ESRRG: variants seen among roughly 807,000 people sequenced by gnomAD.
The protein encoded by ESRRG is estrogen related receptor gamma, also known as estrogen-related receptor gamma.
In ESRRG, 13 loss-of-function variants were observed where a neutral mutation model predicts 44.0. The observed-to-expected ratio is 0.30, with a 90% CI of 0.19 to 0.47. The LOEUF (loss-of-function observed/expected upper bound fraction) is 0.47. ESRRG is among the 20% of genes least tolerant of loss of function. The pLI is 1.00. For missense variants in ESRRG, 395 were observed against 580.6 expected (o/e 0.68, Z 3.29); for synonymous variants, 215 against 214.6 (o/e 1.00, Z -0.02).
At chr1:216,637,489 C>T (rs2065522778) in intron 3 of ESRRG, among the ~76,000 whole-genome samples, 1 of 152,174 alleles carries the variant, frequency 6.6e-6, no homozygotes, top group African/African-American at 2.4e-5. Context: ...TAGCAGAGAA[C>T]AGCAGCTTCC....
intron 2 of ESRRG, among the ~76,000 whole-genome samples, chr1:216,652,886 C>T (rs556298544): frequency 2.2e-4 from 34 of 152,102 alleles, no homozygotes; most frequent in African/African-American, 7.7e-4. Flanking sequence ...CCACCCTGTT[C>T]GGCTCCCCCT....
intron 1 of ESRRG, among the ~76,000 whole-genome samples, chr1:217,120,936 A>G (rs1558284252): frequency 6.6e-6 from 1 of 152,200 alleles, no homozygotes; most frequent in Non-Finnish European, 1.5e-5. Context: ...CCACATGGGC[A>G]AGGACCATAT....
Position 216,506,358 on chromosome 1 carries a change from G to A in ESRRG, c.*581C>T, listed in dbSNP as rs890246882. ...TATTATGGATCTCCATCCTTTGGCAGGGCTGGCTTCCATCTCTCTTCAGTT... is the reference window on the plus strand; with the variant it reads ...TATTATGGATCTCCATCCTTTGGCAAGGCTGGCTTCCATCTCTCTTCAGTT... On this transcript the variant is annotated 3_prime_UTR_variant, in exon 7 of 7. Coordinates refer to ENST00000408911, the MANE Select transcript of ESRRG (RefSeq NM_001438.4). 2 of 289,390 alleles carry A rather than the reference G, an allele frequency of 6.9e-6. No homozygotes were observed. Among genetic ancestry groups the A allele is most frequent in the Middle Eastern group, 1.3e-3 (1 of 752 alleles). The allele number at this position is 289,390 out of a possible 1,614,324, so 17.9% of individuals were successfully genotyped here. A position where few individuals can be genotyped will look rare whatever the true frequency, so the allele number is the denominator to read the frequency against.
chr1:216,520,692 G>A (rs1265257891), intron 5 of ESRRG, among the ~76,000 whole-genome samples: 1 of 152,238 alleles, frequency 6.6e-6, no homozygotes, highest in East Asian at 1.9e-4. Flanking sequence ...CATGGCTTCT[G>A]AGGACAGTGG....
intron 6 of ESRRG, among the ~76,000 whole-genome samples, chr1:216,516,482 A>G (rs2044292422): frequency 6.6e-6 from 1 of 152,154 alleles, no homozygotes; most frequent in East Asian, 1.9e-4. Context: ...AATGTTTAAA[A>G]TAAGCTAAAA....
chr1:217,127,178 C>T (rs1166361086), intron 1 of ESRRG, among the ~76,000 whole-genome samples: 29 of 152,170 alleles, frequency 1.9e-4, no homozygotes, highest in Admixed American at 1.9e-3. Flanking sequence ...AGTCTCATTG[C>T]TCTGTGATTA....
rs11572698 is a variant in ESRRG at position 216,657,112 on chromosome 1, T to G, written c.473-6023A>C. On this transcript the variant is annotated intron_variant, in intron 2 of 6. Coordinates refer to ENST00000408911, the MANE Select transcript of ESRRG (RefSeq NM_001438.4). ...TTACAGTGATCTAACTTTCCTTTTT[T>G]TCTTTGTTTTTCTTTCTTATTTTCA... 3.9e-3 allele frequency among the ~76,000 whole-genome samples: 599 copies of G among 152,308 alleles called. 5 individuals are homozygous for G. Among genetic ancestry groups the G allele is most frequent in the African/African-American group, 0.013 (533 of 41,584 alleles).
intron 6 of ESRRG, among the ~76,000 whole-genome samples, chr1:216,511,614 CTTAT>C (rs940494694): frequency 1.4e-5 from 2 of 144,598 alleles, no homozygotes; most frequent in African/African-American, 5.0e-5. Context: ...CAGCTCCGTA[CTTAT>C]GTAGGCAGAT....
At position 216,935,338 on chromosome 1, in the gene ESRRG, C is replaced by G. The variant is rs182177046; in HGVS notation, c.-14+4244G>C. Reference sequence around the variant, plus strand: ...CTGCTGTTTGATTTAGCTATAAATTCGAGGTTTCCTTAACCCCCTTCTCTG... The same window carrying G: ...CTGCTGTTTGATTTAGCTATAAATTGGAGGTTTCCTTAACCCCCTTCTCTG... On this transcript the variant is annotated intron_variant, in intron 2 of 7. Coordinates refer to the ESRRG transcript ENST00000359162. Among the ~76,000 whole-genome samples the G allele has an allele frequency of 1.2e-4, 19 of 152,248 alleles. No homozygotes were observed. In the East Asian group the frequency reaches 3.7e-3, roughly 29 times the overall value.
chr1:216,814,817 T>A (rs894875318), intron 2 of ESRRG, among the ~76,000 whole-genome samples: 9 of 152,214 alleles, frequency 5.9e-5, no homozygotes, highest in African/African-American at 2.2e-4. Flanking sequence ...ATAATTATTG[T>A]CAAAACTTGC....
At chr1:216,688,844 G>C (rs1290869345) in intron 1 of ESRRG, among the ~76,000 whole-genome samples, 1 of 152,154 alleles carries the variant, frequency 6.6e-6, no homozygotes, top group African/African-American at 2.4e-5. Flanking sequence ...AGCTGAAATT[G>C]TATTTTTGGT....
chr1:217,015,891 G>A (rs1014447034), intron 1 of ESRRG, among the ~76,000 whole-genome samples: 5 of 151,972 alleles, frequency 3.3e-5, no homozygotes, highest in South Asian at 4.2e-4. Flanking sequence ...CACCACGCCC[G>A]GCTATTTTTT....
intron 2 of ESRRG, among the ~76,000 whole-genome samples, chr1:216,892,180 A>G (rs190404259): frequency 1.3e-5 from 2 of 152,168 alleles, no homozygotes; most frequent in East Asian, 3.9e-4. Context: ...ATAAAAGAAA[A>G]CATTATTTAA....
At chr1:216,680,703 A>G (rs917972645) in intron 1 of ESRRG, among the ~76,000 whole-genome samples, 18 of 152,332 alleles carry the variant, frequency 1.2e-4, no homozygotes, top group African/African-American at 3.8e-4. Context: ...CCTAGACACT[A>G]TTATATTATA....
chr1:216,654,463 C>T (rs1306488765), intron 2 of ESRRG, among the ~76,000 whole-genome samples: 1 of 151,912 alleles, frequency 6.6e-6, no homozygotes, highest in East Asian at 1.9e-4. Flanking sequence ...AACCCCATCT[C>T]TACTAAAAAT....
intron 1 of ESRRG, among the ~76,000 whole-genome samples, chr1:217,041,889 A>T (rs2083919974): frequency 6.6e-6 from 1 of 152,230 alleles, no homozygotes. Flanking sequence ...TGAAGGGAAT[A>T]AGTATGCTTA....
At chr1:216,586,880 T>G (rs981918433) in intron 3 of ESRRG, among the ~76,000 whole-genome samples, 1 of 152,114 alleles carries the variant, frequency 6.6e-6, no homozygotes, top group Non-Finnish European at 1.5e-5. Flanking sequence ...TCTGGCCAAA[T>G]TTTAAGCTTT....
At chr1:216,976,843 T>A (rs2073026320) in intron 1 of ESRRG, among the ~76,000 whole-genome samples, 1 of 152,060 alleles carries the variant, frequency 6.6e-6, no homozygotes, top group Non-Finnish European at 1.5e-5. Context: ...AGAGAGAGAG[T>A]TTAGGTAATT....
upstream of ESRRG, among the ~76,000 whole-genome samples, chr1:216,724,792 T>C (rs2087145806): frequency 6.6e-6 from 1 of 152,158 alleles, no homozygotes; most frequent in Non-Finnish European, 1.5e-5. Context: ...CCTATTTTAA[T>C]CTACAGGATT....
Sources: allele counts gnomAD v4.1 joint callset (sites outside exome capture counted in the v4.1 genomes callset), GRCh38; gene constraint gnomAD v4.1.1; transcripts MANE v1.5; gene names NCBI Gene and HGNC (gene_info 2026-07-23, HGNC 2026-07-21).